The following KCNIP4 variants were observed in gnomAD, a reference collection of about 807,000 sequenced individuals.
The protein encoded by KCNIP4 is potassium voltage-gated channel interacting protein 4, also known as Kv channel-interacting protein 4.
Under a neutral mutation model 34.0 loss-of-function variants are expected in KCNIP4, and 12 were observed. The ratio of observed to expected loss-of-function variants is 0.35; its 90% confidence interval spans 0.23 to 0.57. KCNIP4 has a LOEUF of 0.57. Among genes scored for constraint, KCNIP4 ranks in the 20% least tolerant of loss-of-function variants. The pLI, the probability that KCNIP4 is intolerant of heterozygous loss-of-function variation, is 0.83. For synonymous variants in KCNIP4, 124 were observed against 102.2 expected, an observed-to-expected ratio of 1.21 and a Z score of -1.29; for missense variants, 238 against 311.7, an observed-to-expected ratio of 0.76 and a Z score of 1.78.
At chr4:20,989,894 A>G (rs1012561365) in intron 1 of KCNIP4, among the ~76,000 whole-genome samples, 5 of 152,104 alleles carry the variant, frequency 3.3e-5, no homozygotes, top group Admixed American at 6.6e-5. Flanking sequence ...GCTTGAACCT[A>G]AGAGGCAGAG....
chr4:20,818,137 A>G (rs1009849719), intron 3 of KCNIP4, among the ~76,000 whole-genome samples: 1 of 152,190 alleles, frequency 6.6e-6, no homozygotes, highest in Admixed American at 6.5e-5. Context: ...ATACCTCATG[A>G]GATACCTTAC....
At chr4:20,825,225 GTTTTTT>G (rs71181592) in intron 3 of KCNIP4, among the ~76,000 whole-genome samples, 1,581 of 113,594 alleles carry the variant, frequency 0.014, 36 homozygotes, top group African/African-American at 0.033. Context: ...TCAATTTTAC[GTTTTTT>G]TTTTTTTTTT....
At chr4:21,307,106 G>A (rs999926199) in intron 1 of KCNIP4, among the ~76,000 whole-genome samples, 3 of 152,302 alleles carry the variant, frequency 2.0e-5, no homozygotes, top group Admixed American at 2.0e-4. Context: ...ACAGGCGTGA[G>A]CAACTGTGCC....
At chr4:21,568,295 G>T (rs1327651989) in intron 1 of KCNIP4, among the ~76,000 whole-genome samples, 2 of 152,046 alleles carry the variant, frequency 1.3e-5, no homozygotes, top group African/African-American at 4.8e-5. Context: ...GGAGTAAAGT[G>T]GGCCCCTAAA....
intron 1 of KCNIP4, among the ~76,000 whole-genome samples, chr4:21,106,910 G>A (rs1464763959): frequency 1.3e-5 from 2 of 151,408 alleles, no homozygotes; most frequent in Admixed American, 1.3e-4. Flanking sequence ...GAGCAGTTTT[G>A]AGTGAGTTTC....
chr4:21,039,177 T>C (rs1466237781), intron 1 of KCNIP4, among the ~76,000 whole-genome samples: 1 of 152,018 alleles, frequency 6.6e-6, no homozygotes, highest in Non-Finnish European at 1.5e-5. Context: ...CTGGCCAACA[T>C]GGTGAAACCC....
At chr4:21,423,180 T>A (rs1408780573) in intron 1 of KCNIP4, among the ~76,000 whole-genome samples, 1 of 152,142 alleles carries the variant, frequency 6.6e-6, no homozygotes, top group East Asian at 1.9e-4. Context: ...AGACGCTATC[T>A]TAGATAGGTA....
At chr4:21,557,509 T>C (rs1484940284) in intron 1 of KCNIP4, among the ~76,000 whole-genome samples, 1 of 152,130 alleles carries the variant, frequency 6.6e-6, no homozygotes, top group Non-Finnish European at 1.5e-5. Context: ...GAAAACATTG[T>C]CCTTTTCTAA....
intron 1 of KCNIP4, among the ~76,000 whole-genome samples, chr4:21,260,248 T>C (rs976187254): frequency 3.9e-5 from 6 of 152,222 alleles, no homozygotes; most frequent in African/African-American, 7.2e-5. Flanking sequence ...GGGCTTTTAA[T>C]GTACCAATGA....
chr4:20,916,335 G>A, intron 1 of KCNIP4: 1 of 985,352 alleles, frequency 1.0e-6, no homozygotes, highest in Non-Finnish European at 1.2e-6. Context: ...CTTTGCAGTT[G>A]TTATGGTGCA....
At chr4:20,742,800 G>C (rs1303324336) in intron 5 of KCNIP4, among the ~76,000 whole-genome samples, 1 of 152,094 alleles carries the variant, frequency 6.6e-6, no homozygotes, top group African/African-American at 2.4e-5. Flanking sequence ...TGACATGATT[G>C]TATATTTAGA....
chr4:21,783,555 A>G (rs1474244763), intron 1 of KCNIP4, among the ~76,000 whole-genome samples: 1 of 152,220 alleles, frequency 6.6e-6, no homozygotes, highest in Non-Finnish European at 1.5e-5. Flanking sequence ...ATAAATTAGT[A>G]ATAAGTACAT....
chr4:21,456,147 G>A (rs1728937445), intron 1 of KCNIP4, among the ~76,000 whole-genome samples: 1 of 146,878 alleles, frequency 6.8e-6, no homozygotes, highest in Non-Finnish European at 1.5e-5. Flanking sequence ...CATTTGCTGA[G>A]CACTTGATAT....
intron 1 of KCNIP4, among the ~76,000 whole-genome samples, chr4:20,923,547 T>C (rs989827452): frequency 2.0e-5 from 3 of 152,178 alleles, no homozygotes; most frequent in Non-Finnish European, 4.4e-5. Flanking sequence ...GACTCTAAGA[T>C]AGCTTTAGTG....
chr4:21,864,448 G>T (rs1195731836), intron 1 of KCNIP4, among the ~76,000 whole-genome samples: 2 of 152,228 alleles, frequency 1.3e-5, no homozygotes, highest in Non-Finnish European at 2.9e-5. Context: ...AAACTGGATT[G>T]GACATGATAA....
chr4:21,571,107 G>C (rs890916021), intron 1 of KCNIP4, among the ~76,000 whole-genome samples: 1 of 152,136 alleles, frequency 6.6e-6, no homozygotes, highest in Admixed American at 6.5e-5. Flanking sequence ...CTGGCAGCTT[G>C]AGCCATTTCT....
intron 1 of KCNIP4, among the ~76,000 whole-genome samples, chr4:21,711,849 C>T (rs1228247469): frequency 6.6e-6 from 1 of 152,138 alleles, no homozygotes; most frequent in Non-Finnish European, 1.5e-5. Flanking sequence ...TTCTCCTGAA[C>T]TGTATGAACT....
intron 1 of KCNIP4, among the ~76,000 whole-genome samples, chr4:21,656,264 T>C (rs768461047): frequency 6.6e-6 from 1 of 152,162 alleles, no homozygotes. Flanking sequence ...TGTGTGAGCC[T>C]GTGTTCAAAA....
chr4:21,063,357 A>G (rs1019962141), intron 1 of KCNIP4, among the ~76,000 whole-genome samples: 5 of 152,158 alleles, frequency 3.3e-5, no homozygotes, highest in African/African-American at 1.2e-4. Context: ...CAGTAAACAA[A>G]CCCTGCTACT....
Sources: gnomAD v4.1 joint callset for allele counts (sites outside exome capture counted in the v4.1 genomes callset) on GRCh38, gnomAD v4.1.1 for gene constraint, MANE v1.5 for transcripts, NCBI Gene and HGNC (gene_info 2026-07-23, HGNC 2026-07-21) for gene names.